The following IQGAP1 variants were observed in gnomAD, a reference collection of about 807,000 sequenced individuals.
The protein encoded by IQGAP1 is IQ motif containing GTPase activating protein 1.
In IQGAP1, 66 loss-of-function variants were observed where a neutral mutation model predicts 215.6. That is an observed-to-expected ratio of 0.31 (90% CI 0.25 to 0.38). The LOEUF (loss-of-function observed/expected upper bound fraction) is 0.38. IQGAP1 is among the 10% of genes least tolerant of loss of function. The pLI is 1.00. For missense variants in IQGAP1, 1,712 were observed against 1,997.1 expected, an observed-to-expected ratio of 0.86 and a Z score of 2.72; for synonymous variants, 772 against 728.7, an observed-to-expected ratio of 1.06 and a Z score of -0.96.
At position 90,501,226 on chromosome 15, in the gene IQGAP1, T is replaced by C. The variant is rs1157975312; in HGVS notation, c.*1118T>C. On this transcript the variant is annotated 3_prime_UTR_variant, in exon 38 of 38. Transcript: ENST00000268182. ...CAGCCAACCTATGTTACACGTGAGA[T>C]TAAAACCAATTTTTTCCCCATTTTT... The C allele has an allele frequency of 6.6e-6, 1 of 152,336 alleles. No homozygotes were observed. Among genetic ancestry groups the C allele is most frequent in the Non-Finnish European group, 1.5e-5 (1 of 68,014 alleles). The allele number at this position is 152,336 out of a possible 1,614,324, so 9.4% of individuals were successfully genotyped here. A position where few individuals can be genotyped will look rare whatever the true frequency, so the allele number is the denominator to read the frequency against.
intron 2 of IQGAP1, among the ~76,000 whole-genome samples, chr15:90,400,666 C>T (rs1321450931): frequency 2.0e-5 from 3 of 152,122 alleles, no homozygotes; most frequent in Admixed American, 6.5e-5. Flanking sequence ...AAGTGTGGCC[C>T]GTTAGTTTGA....
intron 17 of IQGAP1, 56 bp downstream of exon 17, chr15:90,466,492 G>C: frequency 0.038 from 37,741 of 986,250 alleles, 1 homozygote; most frequent in Non-Finnish European, 0.056. Context: ...GTATATGAGG[G>C]GACAGATGTA....
At chr15:90,490,470 G>A (rs538128444) in intron 33 of IQGAP1, among the ~76,000 whole-genome samples, 3 of 109,978 alleles carry the variant, frequency 2.7e-5, no homozygotes, top group African/African-American at 5.9e-5. Context: ...GAAGGATGGC[G>A]ACTATGAAGG....
intron 2 of IQGAP1, among the ~76,000 whole-genome samples, chr15:90,399,131 A>T (rs1005836007): frequency 6.6e-6 from 1 of 151,906 alleles, no homozygotes. Context: ...AATTAAAAAA[A>T]ATTTTTTTTT....
chr15:90,466,324 AAC>A lies in IQGAP1; in HGVS notation c.1926_1927del (p.Leu643GlufsTer7). On this transcript the variant is annotated frameshift_variant, in exon 17 of 38. Transcript: ENST00000268182. LOFTEE classifies it high-confidence loss of function. The part of the protein sequence containing the change: ...EAVESGDVGK[T>X]LSALRSPDVG... The stretch of plus-strand genomic sequence containing the variant: ...CAGTAGAAAGTGGTGATGTTGGCAA[AAC>A]ACTGAGTGCCCTTCGCTCCCCTGAT... The A allele has an allele frequency of 6.2e-7, 1 of 1,614,104 alleles. No homozygotes were observed. The highest frequency in any genetic ancestry group is 8.5e-7 in the Non-Finnish European group (1 of 1,179,998).
At chr15:90,456,578 A>C (rs1965683285) in intron 15 of IQGAP1, among the ~76,000 whole-genome samples, 1 of 152,048 alleles carries the variant, frequency 6.6e-6, no homozygotes, top group African/African-American at 2.4e-5. Context: ...CTTTACTGAA[A>C]TATAAGATCC....
At chr15:90,394,281 T>C (rs997053639) in intron 2 of IQGAP1, among the ~76,000 whole-genome samples, 1 of 151,218 alleles carries the variant, frequency 6.6e-6, no homozygotes, top group African/African-American at 2.4e-5. Context: ...AGGTGCCTGG[T>C]CTATTTTATG....
rs79379682 is a variant in IQGAP1 at position 90,458,664 on chromosome 15, C to T, written c.1776+2349C>T. On this transcript the variant is annotated intron_variant, in intron 15 of 37. Transcript: ENST00000268182. The stretch of plus-strand genomic sequence containing the variant: ...GATGACCAGCCAAGTTTGGGAAACA[C>T]TAATCTAATAAAATGAATCAAAGAC... Among the ~76,000 whole-genome samples the T allele has an allele frequency of 1.1e-3, 169 of 152,294 alleles. 1 individual carries two copies. The East Asian group carries it at 0.014, about 13-fold the overall frequency.
chr15:90,441,413 G>T (rs1038909874), intron 7 of IQGAP1, 93 bp from the exon 8 acceptor site: 3 of 1,061,560 alleles, frequency 2.8e-6, no homozygotes, highest in Non-Finnish European at 2.7e-6. Flanking sequence ...TCTCTAATGG[G>T]GGGTGCAATG....
intron 2 of IQGAP1, among the ~76,000 whole-genome samples, chr15:90,406,441 G>T (rs1964879130): frequency 6.6e-6 from 1 of 152,254 alleles, no homozygotes; most frequent in Non-Finnish European, 1.5e-5. Context: ...GGGATTAGAG[G>T]CGTGAGCCAC....
chr15:90,483,688 C>A, intron 29 of IQGAP1, 95 bp downstream of exon 29: 1 of 846,834 alleles, frequency 1.2e-6, no homozygotes, highest in Non-Finnish European at 1.9e-6. Flanking sequence ...TCACTTTCCC[C>A]GGACTGCCAT....
intron 18 of IQGAP1, among the ~76,000 whole-genome samples, 185 bp from the exon 19 acceptor site, chr15:90,472,655 G>A (rs539471201): frequency 1.4e-4 from 21 of 152,036 alleles, no homozygotes; most frequent in African/African-American, 2.9e-4. Flanking sequence ...GTGGGAGGAC[G>A]TGTGTGAGAA....
intron 35 of IQGAP1, among the ~76,000 whole-genome samples, chr15:90,493,713 G>C (rs547994937): frequency 8.5e-5 from 13 of 152,184 alleles, no homozygotes; most frequent in African/African-American, 2.9e-4. Flanking sequence ...GACTCTCTGG[G>C]GTCAGGCATG....
intron 5 of IQGAP1, among the ~76,000 whole-genome samples, chr15:90,434,842 A>G (rs546639982): frequency 2.6e-5 from 4 of 152,270 alleles, no homozygotes; most frequent in Admixed American, 1.3e-4. Context: ...GGATTTTCAG[A>G]TTTGGTATAC....
Position 90,500,411 on chromosome 15 carries a change from G to A in IQGAP1, c.*303G>A. 3.5e-6 allele frequency: 1 copy of A among 282,762 alleles called. No individual in the cohort carries two copies. The allele number at this position is 282,762 out of a possible 1,614,324, so 17.5% of individuals were successfully genotyped here. A position where few individuals can be genotyped will look rare whatever the true frequency, so the allele number is the denominator to read the frequency against. ...CTGTGTTGTTACAGTCTTAGAGGTT[G>A]CAGTACTATATTGTAAGCTTTGGTG... On this transcript the variant is annotated 3_prime_UTR_variant, in exon 38 of 38. Coordinates refer to ENST00000268182, the MANE Select transcript of IQGAP1 (RefSeq NM_003870.4).
At chr15:90,491,214 C>T in intron 33 of IQGAP1, 119 bp from the exon 34 acceptor site, 1 of 792,536 alleles carries the variant, frequency 1.3e-6, no homozygotes, top group Non-Finnish European at 2.0e-6. Context: ...AATTTGTTTC[C>T]TTCTGTTTCA....
rs150084403 is a variant in IQGAP1, at chr15:90,487,088, A to G, written c.4159A>G (p.Asn1387Asp). 2 of 1,613,792 alleles carry G rather than the reference A, an allele frequency of 1.2e-6. No individual in the cohort carries two copies. The highest frequency in any genetic ancestry group is 2.7e-5 in the African/African-American group (2 of 74,910). Reference protein sequence around the residue: ...AEMDARTILLNTKRLIVDVIR... With the variant: ...AEMDARTILLDTKRLIVDVIR... ...AATGGATGCTCGAACCATCTTACTGAAGTGAGTATCAAAAGAAGGAAGAAT... is the reference window on the plus strand; with the variant it reads ...AATGGATGCTCGAACCATCTTACTGGAGTGAGTATCAAAAGAAGGAAGAAT... Residue 1387 changes from asparagine (N) to aspartate (D), a missense_variant and splice_region_variant, in exon 32 of 38, where the codon AAT becomes GAT. By Grantham distance (23) the Asn-to-Asp change is conservative. Transcript: ENST00000268182.
In IQGAP1 at chr15:90,466,463, C is replaced by A. The variant is rs749915435; in HGVS notation, c.2035+27C>A. 16 of 1,610,648 alleles carry A rather than the reference C, an allele frequency of 9.9e-6. No homozygotes were observed. The South Asian group carries it at 1.5e-4, about 15-fold the overall frequency. The stretch of plus-strand genomic sequence containing the variant: ...TGAGTTCTGGGATAATACATATGTG[C>A]CCTGAAGCTAACCCTTGAGTATATG... On this transcript the variant is annotated intron_variant, in intron 17 of 37. Coordinates refer to ENST00000268182, the MANE Select transcript of IQGAP1 (RefSeq NM_003870.4).
At position 90,490,718 on chromosome 15, in the gene IQGAP1, T is replaced by C. The variant is rs78024062; in HGVS notation, c.4249-615T>C. On this transcript the variant is annotated intron_variant, in intron 33 of 37. Transcript: ENST00000268182. The stretch of plus-strand genomic sequence containing the variant: ...AAAATGTGGTAGAGAAAAATGACTT[T>C]GTAGCCAGTAGAGTCCAGTCTCGGT... 8.6e-3 allele frequency among the ~76,000 whole-genome samples: 1,304 copies of C among 152,228 alleles called. 36 individuals carry two copies. In the East Asian group the frequency reaches 0.1, roughly 12 times the overall value.
Sources: gnomAD v4.1 joint callset for allele counts (sites outside exome capture counted in the v4.1 genomes callset) on GRCh38, gnomAD v4.1.1 for gene constraint, MANE v1.5 for transcripts, NCBI Gene and HGNC (gene_info 2026-07-23, HGNC 2026-07-21) for gene names.